DNMBP: variants seen among roughly 807,000 people sequenced by gnomAD.
DNMBP encodes the protein dynamin-binding protein.
A neutral mutation model predicts 150.0 loss-of-function variants in DNMBP; 87 were observed. That is an observed-to-expected ratio of 0.58 (90% CI 0.49 to 0.69). DNMBP has a LOEUF of 0.69. DNMBP is among the 30% of genes least tolerant of loss of function. The pLI is 0.00. For synonymous variants in DNMBP, 711 were observed against 750.4 expected (o/e 0.95, Z 0.86); for missense variants, 1,774 against 1,949.0 (o/e 0.91, Z 1.69).
At chr10:99,899,603 G>A (rs777527052) in intron 7 of DNMBP, among the ~76,000 whole-genome samples, 133 of 150,638 alleles carry the variant, frequency 8.8e-4, no homozygotes, top group Admixed American at 2.4e-3. Context: ...TTACACCACT[G>A]CACTCTGGCC....
intron 11 of DNMBP, chr10:99,889,176 G>T: frequency 2.1e-6 from 1 of 473,946 alleles, no homozygotes; most frequent in Non-Finnish European, 3.7e-6. Context: ...AACTGTTGAG[G>T]GCTTTTATCA....
intron 1 of DNMBP, among the ~76,000 whole-genome samples, chr10:99,988,650 T>G (rs1258932887): frequency 2.6e-5 from 4 of 152,022 alleles, no homozygotes; most frequent in African/African-American, 9.7e-5. Context: ...ACAATTTTAT[T>G]TTTATTTTTA....
intron 11 of DNMBP, among the ~76,000 whole-genome samples, 169 bp downstream of exon 11, chr10:99,894,777 G>A (rs1023044809): frequency 3.3e-5 from 5 of 152,164 alleles, no homozygotes; most frequent in Non-Finnish European, 7.3e-5. Flanking sequence ...TGATCTAAAT[G>A]CTATTACTGT....
chr10:99,891,921 G>C (rs1180544327), intron 11 of DNMBP, among the ~76,000 whole-genome samples: 5 of 148,886 alleles, frequency 3.4e-5, no homozygotes, highest in Non-Finnish European at 7.4e-5. Context: ...GGAGGTGGGG[G>C]GGTCAGCCCC....
chr10:99,883,280 C>A (rs928087363), intron 15 of DNMBP, among the ~76,000 whole-genome samples: 1 of 152,050 alleles, frequency 6.6e-6, no homozygotes, highest in African/African-American at 2.4e-5. Context: ...AAAGTAATTC[C>A]CTAAATAGTC....
intron 1 of DNMBP, among the ~76,000 whole-genome samples, chr10:99,987,926 C>T (rs1219743053): frequency 6.6e-6 from 1 of 152,106 alleles, no homozygotes; most frequent in African/African-American, 2.4e-5. Context: ...GATCACAGGT[C>T]GATTAATTAA....
intron 4 of DNMBP, among the ~76,000 whole-genome samples, chr10:99,920,113 T>C (rs2040006229): frequency 6.6e-6 from 1 of 151,994 alleles, no homozygotes; most frequent in Admixed American, 6.6e-5. Context: ...TTTGCTCTTA[T>C]TGCCCAGGCT....
intron 11 of DNMBP, among the ~76,000 whole-genome samples, chr10:99,891,196 C>T (rs61872199): frequency 2.8e-5 from 4 of 143,698 alleles, no homozygotes; most frequent in East Asian, 2.0e-4. Context: ...CTCTCCCCAC[C>T]GTCTCCCTCT....
Position 99,908,015 on chromosome 10 carries a change from A to G in DNMBP, c.2534T>C (p.Leu845Pro), listed in dbSNP as rs1389696889. 1 of 1,613,990 alleles carries G rather than the reference A, an allele frequency of 6.2e-7. No homozygotes were observed. The highest frequency in any genetic ancestry group is 1.7e-5 in the Admixed American group (1 of 60,014). Residue 845 changes from leucine (L) to proline (P), a missense_variant, in exon 6 of 17, where the codon CTG (leucine) becomes CCG (proline). Physicochemically the swap from Leu to Pro is moderately conservative, Grantham distance 98. Transcript: ENST00000324109. ...IKVSKQLLAA[L>P]EISDAVGPVF... The stretch of plus-strand genomic sequence containing the variant: ...CATACCTACAGCATCGCTGATTTCC[A>G]GAGCAGCCAATAATTGCTTCGAGAC...
intron 3 of DNMBP, among the ~76,000 whole-genome samples, chr10:99,959,515 C>A (rs1273290597): frequency 6.6e-6 from 1 of 151,576 alleles, no homozygotes; most frequent in Non-Finnish European, 1.5e-5. Context: ...AAAAAACCAC[C>A]CAAAAAAACA....
intron 9 of DNMBP, 108 bp downstream of exon 9, chr10:99,897,978 T>G: frequency 1.1e-6 from 1 of 900,762 alleles, no homozygotes; most frequent in Non-Finnish European, 1.8e-6. Flanking sequence ...ACAGCCCTAT[T>G]ATACCTACCA....
chr10:99,992,261 G>T (rs2040902760), intron 1 of DNMBP, among the ~76,000 whole-genome samples: 1 of 151,746 alleles, frequency 6.6e-6, no homozygotes, highest in Non-Finnish European at 1.5e-5. Context: ...AAAACAAAAT[G>T]TAATAGTTAA....
chr10:99,948,932 C>A (rs1253115103), intron 4 of DNMBP, among the ~76,000 whole-genome samples: 1 of 151,602 alleles, frequency 6.6e-6, no homozygotes, highest in Non-Finnish European at 1.5e-5. Context: ...CATTGCACTG[C>A]AGTCTGGGCA....
chr10:99,920,891 G>C (rs1319515339), intron 4 of DNMBP, among the ~76,000 whole-genome samples: 1 of 151,934 alleles, frequency 6.6e-6, no homozygotes, highest in African/African-American at 2.4e-5. Flanking sequence ...TGTTGCTCAG[G>C]CTGGGCTCCA....
chr10:99,992,533 T>G (rs374041822), intron 1 of DNMBP, among the ~76,000 whole-genome samples: 20 of 148,582 alleles, frequency 1.3e-4, no homozygotes, highest in Non-Finnish European at 2.2e-4. Flanking sequence ...GGAGTTTTTT[T>G]TTTTTTTTTT....
chr10:99,893,945 C>T (rs1396704317), intron 11 of DNMBP, among the ~76,000 whole-genome samples: 1 of 152,024 alleles, frequency 6.6e-6, no homozygotes, highest in Non-Finnish European at 1.5e-5. Context: ...AAATTTTATA[C>T]CATTTTATTC....
chr10:99,932,389 A>C (rs2040169477), intron 4 of DNMBP, among the ~76,000 whole-genome samples: 1 of 152,148 alleles, frequency 6.6e-6, no homozygotes, highest in African/African-American at 2.4e-5. Context: ...CCTCAAACAA[A>C]AGGCCAATAA....
chr10:99,920,915 A>G (rs1411499917), intron 4 of DNMBP, among the ~76,000 whole-genome samples: 2 of 151,960 alleles, frequency 1.3e-5, no homozygotes, highest in East Asian at 3.9e-4. Context: ...CGTGAGCTCA[A>G]GGAATCTTCC....
chr10:99,939,164 T>C (rs1253616072), intron 4 of DNMBP, among the ~76,000 whole-genome samples: 1 of 152,048 alleles, frequency 6.6e-6, no homozygotes, highest in East Asian at 1.9e-4. Flanking sequence ...TAAACTTTTG[T>C]GGATTCCTCT....
Sources: gnomAD v4.1 joint callset for allele counts (sites outside exome capture counted in the v4.1 genomes callset) on GRCh38, gnomAD v4.1.1 for gene constraint, MANE v1.5 for transcripts, NCBI Gene and HGNC (gene_info 2026-07-23, HGNC 2026-07-21) for gene names.